Variants in BLMH observed in about 807,000 individuals in gnomAD.
BLMH encodes BLM hydrolase.
A neutral mutation model predicts 61.6 loss-of-function variants in BLMH; 32 were observed. The observed-to-expected ratio is 0.52, with a 90% CI of 0.39 to 0.70. The LOEUF (loss-of-function observed/expected upper bound fraction) is 0.70, where lower values mean the gene tolerates loss of function less well. Ranked by LOEUF, BLMH falls within the 30% of genes least tolerant of loss-of-function variation. BLMH has a pLI of 0.00. For missense variants in BLMH, 460 were observed against 555.5 expected, an observed-to-expected ratio of 0.83 and a Z score of 1.73; for synonymous variants, 183 against 193.8, an observed-to-expected ratio of 0.94 and a Z score of 0.46.
chr17:30,248,857 T>C lies in BLMH; in HGVS notation c.*160A>G. 3.5e-6 allele frequency: 3 copies of C among 864,400 alleles called. No individual in the cohort carries two copies. The highest frequency in any genetic ancestry group is 1.7e-5 in the African/African-American group (1 of 59,128). The allele number at this position is 864,400 out of a possible 1,614,324, so 53.5% of individuals were successfully genotyped here. A position where few individuals can be genotyped will look rare whatever the true frequency, so the allele number is the denominator to read the frequency against. ...CCTTTAACAGTATTCTGTTTCAGCATAAAGCACACTTTCTGAAGAGGTTCC... is the reference window on the plus strand; with the variant it reads ...CCTTTAACAGTATTCTGTTTCAGCACAAAGCACACTTTCTGAAGAGGTTCC... On this transcript the variant is annotated 3_prime_UTR_variant, in exon 12 of 12. Coordinates refer to ENST00000261714, the MANE Select transcript of BLMH (RefSeq NM_000386.4).
intron 11 of BLMH, among the ~76,000 whole-genome samples, chr17:30,263,583 G>C (rs1908020837): frequency 6.6e-6 from 1 of 152,180 alleles, no homozygotes; most frequent in South Asian, 2.1e-4. Flanking sequence ...TCATCAACTT[G>C]AAGTAATCCA....
chr17:30,275,691 A>C (rs1249023097), intron 6 of BLMH, among the ~76,000 whole-genome samples: 1 of 152,148 alleles, frequency 6.6e-6, no homozygotes, highest in Non-Finnish European at 1.5e-5. Context: ...ATCTCAAAAA[A>C]AAAAAGAAAG....
intron 6 of BLMH, 112 bp downstream of exon 6, chr17:30,285,276 C>A: frequency 1.4e-6 from 1 of 736,220 alleles, no homozygotes; most frequent in Non-Finnish European, 2.2e-6. Flanking sequence ...ATTTTCAATT[C>A]AATTAAACAT....
Position 30,289,479 on chromosome 17 carries a change from C to T in BLMH, c.215G>A (p.Arg72Gln), listed in dbSNP as rs755776639. The T allele has an allele frequency of 1.7e-5, 28 of 1,605,866 alleles. No individual in the cohort carries two copies. Among genetic ancestry groups the T allele is most frequent in the East Asian group, 2.2e-5 (1 of 44,692 alleles). Reference sequence around the variant, plus strand: ...ATTCAGACAAGAAAAGATCCAGCATCGCCCTGAAACAAGAAAGCACATCAA... The same window carrying T: ...ATTCAGACAAGAAAAGATCCAGCATTGCCCTGAAACAAGAAAGCACATCAA... ...KPITNQKSSGRCWIFSCLNVM... is the reference protein window; with the variant it reads ...KPITNQKSSGQCWIFSCLNVM... The change falls in exon 3 of 12, where the codon CGA (arginine) becomes CAA (glutamine). Residue 72 changes from arginine (R) to glutamine (Q), a missense_variant. By Grantham distance (43) the Arg-to-Gln change is conservative. This residue lies in a region of BLMH where 7 missense variants were observed against 22.6 expected (regional missense o/e 0.31). Coordinates refer to ENST00000261714, the MANE Select transcript of BLMH (RefSeq NM_000386.4).
intron 6 of BLMH, among the ~76,000 whole-genome samples, chr17:30,275,341 C>T (rs1908389113): frequency 6.6e-6 from 1 of 152,114 alleles, no homozygotes; most frequent in Non-Finnish European, 1.5e-5. Context: ...CAAGGATATA[C>T]TTTATATTAT....
intron 10 of BLMH, among the ~76,000 whole-genome samples, chr17:30,267,174 C>T (rs778040915): frequency 7.2e-5 from 11 of 152,154 alleles, no homozygotes; most frequent in Non-Finnish European, 1.6e-4. Flanking sequence ...ATTTGAATCT[C>T]TTGGGGTAAA....
intron 10 of BLMH, among the ~76,000 whole-genome samples, chr17:30,270,297 C>T (rs529541022): frequency 2.6e-5 from 4 of 152,000 alleles, no homozygotes; most frequent in African/African-American, 7.3e-5. Flanking sequence ...GTCAGGAGTT[C>T]GAGACCAGCC....
chr17:30,271,335 T>C lies in BLMH; in HGVS notation c.1082A>G (p.Glu361Gly). Residue 361 changes from glutamate to glycine, a missense_variant, in exon 10 of 12, where the codon GAG (glutamate) becomes GGG (glycine). By Grantham distance (98) the Glu-to-Gly change is moderately conservative (BLOSUM62 -2). Around this residue, in one of 5 missense-constraint regions of BLMH, gnomAD observed 310 missense variants for 371.1 expected, o/e 0.84. Coordinates refer to ENST00000261714, the MANE Select transcript of BLMH (RefSeq NM_000386.4). ...GVSLKNMNKA[E>G]RLTFGESLMT... ...AAGTGACTCACCAAAAGTCAGCCTC[T>C]CCGCTTTATTCATGTTCTTCAAGGA... 5 of 1,614,168 alleles carry C rather than the reference T, an allele frequency of 3.1e-6. No homozygotes were observed. Among genetic ancestry groups the C allele is most frequent in the Non-Finnish European group, 4.2e-6 (5 of 1,180,016 alleles).
At position 30,285,392 on chromosome 17, in the gene BLMH, T is replaced by C. The variant is rs1282256160; in HGVS notation, c.641A>G (p.Glu214Gly). The change falls in exon 6 of 12, where the codon GAG becomes GGG. Residue 214 changes from glutamate to glycine, a missense_variant. Physicochemically the swap from Glu to Gly is moderately conservative, Grantham distance 98. Around this residue, in one of 5 missense-constraint regions of BLMH, gnomAD observed 310 missense variants for 371.1 expected, o/e 0.84. Coordinates refer to ENST00000261714, the MANE Select transcript of BLMH (RefSeq NM_000386.4). The part of the protein sequence containing the change: ...EISATQDVMM[E>G]EIFRVVCICL... ...AAATCCAAATTTTGTTATTACCTCC[T>C]CCATCATGACGTCCTGTGTGGCCGA... 1.2e-6 allele frequency: 2 copies of C among 1,607,720 alleles called. No individual in the cohort carries two copies. Among genetic ancestry groups the C allele is most frequent in the Non-Finnish European group, 8.5e-7 (1 of 1,177,122 alleles).
At chr17:30,288,601 C>T (rs1011332958) in intron 3 of BLMH, among the ~76,000 whole-genome samples, 2 of 152,106 alleles carry the variant, frequency 1.3e-5, no homozygotes, top group Non-Finnish European at 2.9e-5. Flanking sequence ...CTCACCTCAG[C>T]CTCCCAAAGT....
At chr17:30,286,305 A>G (rs1908725981) in intron 5 of BLMH, among the ~76,000 whole-genome samples, 1 of 152,248 alleles carries the variant, frequency 6.6e-6, no homozygotes, top group Non-Finnish European at 1.5e-5. Flanking sequence ...TAGAGAAGAC[A>G]CAATGATTCA....
chr17:30,291,370 T>G lies in BLMH; in HGVS notation c.152A>C (p.His51Pro). The change falls in exon 2 of 12, where the codon CAT (histidine) becomes CCT (proline). Residue 51 changes from histidine (H) to proline (P), a missense_variant. By Grantham distance (77) the His-to-Pro change is moderately conservative (BLOSUM62 -2). This residue lies in a region of BLMH where 86 missense variants were observed against 84.5 expected (regional missense o/e 1.02). Coordinates refer to ENST00000261714, the MANE Select transcript of BLMH (RefSeq NM_000386.4). ...LKRATVQRAQ[H>P]VFQHAVPQEG... Reference sequence around the variant, plus strand: ...CTGGGGCACGGCGTGCTGGAACACATGCTGCGCGCGCTGCACCGTGGCCCG... The same window carrying G: ...CTGGGGCACGGCGTGCTGGAACACAGGCTGCGCGCGCTGCACCGTGGCCCG... The G allele has an allele frequency of 6.2e-7, 1 of 1,613,156 alleles. No homozygotes were observed. The highest frequency in any genetic ancestry group is 8.5e-7 in the Non-Finnish European group (1 of 1,180,024).
At position 30,285,494 on chromosome 17, in the gene BLMH, T is replaced by A; in HGVS notation, c.553-14A>T. ...GAATTCTCTCATCTATGACAGAAAC[T>A]TATTCAGCACTCCAACAGTTACCCG... On this transcript the variant is annotated splice_polypyrimidine_tract_variant and intron_variant, in intron 5 of 11. Transcript: ENST00000261714. 6.3e-7 allele frequency: 1 copy of A among 1,590,914 alleles called. No individual in the cohort carries two copies. The highest frequency in any genetic ancestry group is 1.1e-5 in the South Asian group (1 of 88,178).
intron 9 of BLMH, 68 bp downstream of exon 9, chr17:30,272,493 G>C: frequency 6.4e-7 from 1 of 1,562,568 alleles, no homozygotes; most frequent in Middle Eastern, 1.7e-4. Context: ...GAGTCATTTT[G>C]TACCAACAGC....
intron 11 of BLMH, among the ~76,000 whole-genome samples, chr17:30,252,648 T>TGGGG (rs961649068): frequency 6.6e-6 from 1 of 151,302 alleles, no homozygotes; most frequent in African/African-American, 2.4e-5. Context: ...GACCCTGTCT[T>TGGGG]GGGGGTGGGA....
chr17:30,252,974 C>A (rs1907714662), intron 11 of BLMH, among the ~76,000 whole-genome samples: 1 of 152,206 alleles, frequency 6.6e-6, no homozygotes, highest in Non-Finnish European at 1.5e-5. Context: ...TTATTTAAAA[C>A]TAAAATACTG....
intron 2 of BLMH, among the ~76,000 whole-genome samples, chr17:30,290,442 T>C (rs932843237): frequency 6.6e-6 from 1 of 152,212 alleles, no homozygotes; most frequent in African/African-American, 2.4e-5. Context: ...ACATTAATTA[T>C]TGTAAGGTCT....
At chr17:30,279,865 G>A (rs1908537227) in intron 6 of BLMH, among the ~76,000 whole-genome samples, 1 of 152,210 alleles carries the variant, frequency 6.6e-6, no homozygotes, top group African/African-American at 2.4e-5. Flanking sequence ...ACTTGCTGAA[G>A]TGTAGCATGG....
In BLMH at chr17:30,281,095, T is replaced by G. The variant is rs199664680; in HGVS notation, c.645+4293A>C. Among the ~76,000 whole-genome samples, 309 of 135,766 alleles carry G rather than the reference T, an allele frequency of 2.3e-3. 2 individuals carry two copies. The highest frequency in any genetic ancestry group is 3.1e-3 in the East Asian group (15 of 4,886). 89.1% of individuals were successfully genotyped at this position (135,766 alleles called of 152,430 possible). Reference sequence around the variant, plus strand: ...TTTTTTTTGTTGTTTCTTTGTTGTTTTTTTTTTTTTTTTTAAAGTAAAACA... The same window carrying G: ...TTTTTTTTGTTGTTTCTTTGTTGTTGTTTTTTTTTTTTTTAAAGTAAAACA... On this transcript the variant is annotated intron_variant, in intron 6 of 11. Transcript: ENST00000261714.
Sources: allele counts gnomAD v4.1 joint callset (sites outside exome capture counted in the v4.1 genomes callset), GRCh38; gene constraint gnomAD v4.1.1; regional missense constraint gnomAD v4.1.1; transcripts MANE v1.5; gene names NCBI Gene and HGNC (gene_info 2026-07-23, HGNC 2026-07-21).